Variants in GABRB3 observed in about 807,000 individuals in gnomAD.
GABRB3 encodes gamma-aminobutyric acid receptor subunit beta-3.
GABRB3 carries 14 observed loss-of-function variants against 52.1 expected under a neutral mutation model. The observed-to-expected ratio is 0.27, with a 90% CI of 0.18 to 0.42. GABRB3 has a LOEUF of 0.42. GABRB3 is among the 10% of genes least tolerant of loss of function. The pLI is 1.00. For synonymous variants in GABRB3, 260 were observed against 232.3 expected, an observed-to-expected ratio of 1.12 and a Z score of -1.08; for missense variants, 307 against 609.1, an observed-to-expected ratio of 0.50 and a Z score of 5.22.
At chr15:26,656,303 A>T (rs1887371573) in intron 3 of GABRB3, among the ~76,000 whole-genome samples, 1 of 152,154 alleles carries the variant, frequency 6.6e-6, no homozygotes. Context: ...TGCAAGGCAA[A>T]CTCAGTTCAT....
chr15:26,622,355 C>T (rs773269981), intron 3 of GABRB3, among the ~76,000 whole-genome samples: 13 of 149,220 alleles, frequency 8.7e-5, no homozygotes, highest in Non-Finnish European at 1.5e-4. Context: ...CATGGCAGAA[C>T]AAAAGAAATT....
chr15:26,687,892 C>T (rs1261012294), intron 3 of GABRB3, among the ~76,000 whole-genome samples: 1 of 152,150 alleles, frequency 6.6e-6, no homozygotes, highest in Non-Finnish European at 1.5e-5. Flanking sequence ...AGAATAAACA[C>T]CTATTATTTT....
chr15:26,546,083 A>C lies in GABRB3; in HGVS notation c.*1710T>G, dbSNP rs1369797329. The stretch of plus-strand genomic sequence containing the variant: ...TACATCGAGACAACTGGGGCCTACC[A>C]TTGGAGCACTCTGGTCCTTGGTTTT... On this transcript the variant is annotated 3_prime_UTR_variant, in exon 9 of 9. Coordinates refer to ENST00000311550, the MANE Select transcript of GABRB3 (RefSeq NM_000814.6). 1 of 152,604 alleles carries C rather than the reference A, an allele frequency of 6.6e-6. No homozygotes were observed. Among genetic ancestry groups the C allele is most frequent in the East Asian group, 1.9e-4 (1 of 5,186 alleles). 9.5% of individuals were successfully genotyped at this position (152,604 alleles called of 1,614,324 possible). A position where few individuals can be genotyped will look rare whatever the true frequency, so the allele number is the denominator to read the frequency against.
intron 3 of GABRB3, among the ~76,000 whole-genome samples, chr15:26,764,584 T>A (rs1890945667): frequency 6.6e-6 from 1 of 152,154 alleles, no homozygotes. Flanking sequence ...AGGGGCAATC[T>A]ACATTTCCAG....
intron 3 of GABRB3, among the ~76,000 whole-genome samples, chr15:26,723,218 T>A (rs1457554935): frequency 6.6e-6 from 1 of 152,142 alleles, no homozygotes; most frequent in Non-Finnish European, 1.5e-5. Flanking sequence ...ATCATTAGAG[T>A]CTTTACAAGG....
chr15:26,568,628 G>A (rs1232188471), intron 6 of GABRB3, among the ~76,000 whole-genome samples: 4 of 149,376 alleles, frequency 2.7e-5, no homozygotes, highest in Non-Finnish European at 4.4e-5. Flanking sequence ...CTCCCGAGTA[G>A]GTGGGACTAC....
At chr15:26,549,487 G>C (rs535484577) in intron 8 of GABRB3, among the ~76,000 whole-genome samples, 37 of 152,096 alleles carry the variant, frequency 2.4e-4, no homozygotes, top group Non-Finnish European at 4.9e-4. Flanking sequence ...ATTATGCTTG[G>C]GGAAAGTGAG....
At chr15:26,648,262 T>C (rs187416177) in intron 3 of GABRB3, among the ~76,000 whole-genome samples, 126 of 152,340 alleles carry the variant, frequency 8.3e-4, no homozygotes, top group African/African-American at 2.8e-3. Flanking sequence ...GACTGCTTTT[T>C]TCACTTAGCA....
chr15:26,704,187 C>T (rs1347830658), intron 3 of GABRB3, among the ~76,000 whole-genome samples: 1 of 152,234 alleles, frequency 6.6e-6, no homozygotes, highest in African/African-American at 2.4e-5. Flanking sequence ...CCTAGAGCCA[C>T]TGTCAGAGCC....
Position 26,772,904 on chromosome 15 carries a change from G to A in GABRB3, c.59C>T (p.Ala20Val), listed in dbSNP as rs2140199975. Residue 20 changes from alanine (A) to valine (V), a missense_variant, in exon 1 of 9, where the codon GCT (alanine) becomes GTT (valine). This residue lies in a region of GABRB3 where 90 missense variants were observed against 86.4 expected (regional missense o/e 1.04). Transcript: ENST00000311550. Reference sequence around the variant, plus strand: ...CTACCTCTGGGCGCAGCACACCACAGCCACCAGCACCGGGGCCGAGAAGAT... The same window carrying A: ...CTACCTCTGGGCGCAGCACACCACAACCACCAGCACCGGGGCCGAGAAGAT... ...FGIFSAPVLV[A>V]VVCCAQSVND... 3 of 1,500,324 alleles carry A rather than the reference G, an allele frequency of 2.0e-6. No homozygotes were observed. The highest frequency in any genetic ancestry group is 1.8e-6 in the Non-Finnish European group (2 of 1,124,270). 92.9% of individuals were successfully genotyped at this position (1,500,324 alleles called of 1,614,324 possible).
intron 4 of GABRB3, 53 bp from the exon 5 acceptor site, chr15:26,583,467 A>G: frequency 2.1e-6 from 3 of 1,437,064 alleles, no homozygotes; most frequent in Non-Finnish European, 2.9e-6. Flanking sequence ...GAAATGTATC[A>G]GGGAGACTCC....
chr15:26,633,003 C>T (rs192589923), intron 3 of GABRB3, among the ~76,000 whole-genome samples: 164 of 152,244 alleles, frequency 1.1e-3, no homozygotes, highest in Non-Finnish European at 1.7e-3. Context: ...CACTATTCTA[C>T]AGCGAGTATA....
At chr15:26,711,514 CTATTG>C (rs1732871391) in intron 3 of GABRB3, among the ~76,000 whole-genome samples, 1 of 152,098 alleles carries the variant, frequency 6.6e-6, no homozygotes, top group Non-Finnish European at 1.5e-5. Context: ...TGAATGTATT[CTATTG>C]TGTGTGCATG....
In GABRB3 at chr15:26,683,901, G is replaced by T. The variant is rs144454372; in HGVS notation, c.241-62367C>A. The stretch of plus-strand genomic sequence containing the variant: ...AGGGAGGTGTGGAGATTGCTGTGAC[G>T]TTTCCATAACTGACCTAGGAGGAGG... On this transcript the variant is annotated intron_variant, in intron 3 of 8. Transcript: ENST00000311550. Among the ~76,000 whole-genome samples, 7 of 152,210 alleles carry T rather than the reference G, an allele frequency of 4.6e-5. No homozygotes were observed. The East Asian group carries it at 1.4e-3, about 29-fold the overall frequency.
intron 3 of GABRB3, among the ~76,000 whole-genome samples, chr15:26,689,130 G>A (rs754661): frequency 0.45 from 67,891 of 152,024 alleles, 17,690 homozygotes; most frequent in Non-Finnish European, 0.57. Context: ...AGGATGGCCG[G>A]GGTTAGTCCC....
At chr15:26,648,691 G>A (rs1887092765) in intron 3 of GABRB3, among the ~76,000 whole-genome samples, 1 of 152,218 alleles carries the variant, frequency 6.6e-6, no homozygotes, top group Non-Finnish European at 1.5e-5. Context: ...GGACCCAGGA[G>A]GTCACAGGAG....
chr15:26,615,391 C>T, intron 4 of GABRB3: 1 of 985,708 alleles, frequency 1.0e-6, no homozygotes, highest in Non-Finnish European at 1.2e-6. Flanking sequence ...GCAGGGATCT[C>T]AGTTCACCGT....
intron 4 of GABRB3, chr15:26,615,216 G>C: frequency 1.1e-6 from 1 of 890,990 alleles, no homozygotes; most frequent in Non-Finnish European, 1.3e-6. Context: ...AGCTGTGACT[G>C]GGACAGGACA....
At chr15:26,772,829 G>GCCCCGCGCA in intron 1 of GABRB3, 54 bp downstream of exon 1, 2 of 1,459,764 alleles carry the variant, frequency 1.4e-6, no homozygotes, top group Non-Finnish European at 1.8e-6. Flanking sequence ...AGCCGCCAGC[G>GCCCCGCGCA]CCCCGCGCAC....
Sources: allele counts gnomAD v4.1 joint callset (sites outside exome capture counted in the v4.1 genomes callset), GRCh38; gene constraint gnomAD v4.1.1; regional missense constraint gnomAD v4.1.1; transcripts MANE v1.5; gene names NCBI Gene and HGNC (gene_info 2026-07-23, HGNC 2026-07-21).